PARP8: variants seen among roughly 807,000 people sequenced by gnomAD.
PARP8 encodes protein mono-ADP-ribosyltransferase PARP8.
PARP8 carries 51 observed loss-of-function variants against 124.1 expected under a neutral mutation model. That is an observed-to-expected ratio of 0.41 (90% CI 0.33 to 0.52). The LOEUF (loss-of-function observed/expected upper bound fraction) is 0.52, where lower values mean the gene tolerates loss of function less well. PARP8 is among the 20% of genes least tolerant of loss of function. The probability of loss-of-function intolerance (pLI) is 0.21; values close to 1 mark genes in which losing one functional copy is unlikely to be tolerated. For missense variants in PARP8, 860 were observed against 1,018.9 expected, an observed-to-expected ratio of 0.84 and a Z score of 2.12; for synonymous variants, 391 against 361.5, an observed-to-expected ratio of 1.08 and a Z score of -0.93.
chr5:50,746,054 G>A (rs1223000064), intron 2 of PARP8, among the ~76,000 whole-genome samples: 2 of 152,108 alleles, frequency 1.3e-5, no homozygotes, highest in Non-Finnish European at 2.9e-5. Flanking sequence ...TCACTGATAT[G>A]TGCTCATATT....
intron 2 of PARP8, among the ~76,000 whole-genome samples, chr5:50,729,056 T>G (rs991840016): frequency 1.3e-5 from 2 of 151,994 alleles, no homozygotes; most frequent in African/African-American, 4.8e-5. Context: ...ATGGAACACA[T>G]TAGTGTGCGG....
intron 2 of PARP8, among the ~76,000 whole-genome samples, chr5:50,739,727 TA>T (rs1393324467): frequency 0.26 from 25,575 of 98,832 alleles, 3,679 homozygotes; most frequent in Non-Finnish European, 0.33. Flanking sequence ...TATATATATA[TA>T]TATATTTTTT....
intron 2 of PARP8, among the ~76,000 whole-genome samples, chr5:50,696,204 A>G (rs1406190148): frequency 6.6e-6 from 1 of 152,206 alleles, no homozygotes; most frequent in Non-Finnish European, 1.5e-5. Context: ...TTAGTGTATC[A>G]TCACTTTTTA....
chr5:50,700,019 A>G (rs1753425393), intron 2 of PARP8, among the ~76,000 whole-genome samples: 1 of 152,218 alleles, frequency 6.6e-6, no homozygotes, highest in Admixed American at 6.5e-5. Flanking sequence ...GAAGTAAACT[A>G]GACTAAATAG....
intron 2 of PARP8, among the ~76,000 whole-genome samples, chr5:50,687,956 G>A (rs965644130): frequency 6.6e-6 from 1 of 152,148 alleles, no homozygotes; most frequent in African/African-American, 2.4e-5. Flanking sequence ...TGATGATTGA[G>A]GTGGGACACC....
At chr5:50,703,437 T>C (rs1753802250) in intron 2 of PARP8, among the ~76,000 whole-genome samples, 1 of 152,152 alleles carries the variant, frequency 6.6e-6, no homozygotes, top group African/African-American at 2.4e-5. Context: ...ATTTGAACTG[T>C]CCTGCTCAAT....
chr5:50,696,544 T>G (rs1753045154), intron 2 of PARP8, among the ~76,000 whole-genome samples: 3 of 152,224 alleles, frequency 2.0e-5, no homozygotes, highest in Non-Finnish European at 4.4e-5. Flanking sequence ...CTTCTCTTGC[T>G]CTTTCCCTCT....
chr5:50,828,036 T>C lies in PARP8; in HGVS notation c.2070T>C (p.Phe690=), dbSNP rs769182887. 8.7e-6 allele frequency: 14 copies of C among 1,609,828 alleles called. No individual in the cohort carries two copies. Among genetic ancestry groups the C allele is most frequent in the African/African-American group, 1.3e-5 (1 of 74,812 alleles). The change falls in exon 20 of 26, where the codon TTT becomes TTC. Residue 690 remains phenylalanine, a synonymous_variant. Coordinates refer to ENST00000281631, the MANE Select transcript of PARP8 (RefSeq NM_024615.4). ...ATTTTAGAGCTGCTAAAAAACTCTTTGGAAGCACCTTTGCATTTCAGTGAG... is the reference window on the plus strand; with the variant it reads ...ATTTTAGAGCTGCTAAAAAACTCTTCGGAAGCACCTTTGCATTTCAGTGAG... ...ESNFRAAKKL[F]GSTFAFHGSH... is the part of the protein sequence containing the mutation.
At chr5:50,802,313 A>G (rs1219262437) in intron 14 of PARP8, among the ~76,000 whole-genome samples, 1 of 151,856 alleles carries the variant, frequency 6.6e-6, no homozygotes. Flanking sequence ...ATTAATACCA[A>G]CTTGATTTTT....
At chr5:50,760,443 C>T in intron 5 of PARP8, 81 bp downstream of exon 5, 1 of 1,092,386 alleles carries the variant, frequency 9.2e-7, no homozygotes, top group East Asian at 3.2e-5. Context: ...TTAATAGCAT[C>T]ATTAGTGAGA....
intron 2 of PARP8, among the ~76,000 whole-genome samples, chr5:50,707,554 G>A (rs1349441769): frequency 6.6e-6 from 1 of 151,546 alleles, no homozygotes; most frequent in Admixed American, 6.6e-5. Flanking sequence ...TTAATTGAAT[G>A]ATTTGAAGAT....
chr5:50,782,423 A>G (rs1740770579), intron 9 of PARP8, among the ~76,000 whole-genome samples: 1 of 152,216 alleles, frequency 6.6e-6, no homozygotes, highest in Non-Finnish European at 1.5e-5. Context: ...AAATTTGAGG[A>G]AAATATGATT....
At position 50,709,989 on chromosome 5, in the gene PARP8, TACATATATACACACAC is replaced by T. The variant is rs1320029395; in HGVS notation, c.147-40146_147-40131del. Among the ~76,000 whole-genome samples, 9 of 146,022 alleles carry T rather than the reference TACATATATACACACAC, an allele frequency of 6.2e-5. No individual in the cohort carries two copies. In the South Asian group the frequency reaches 1.5e-3, roughly 24 times the overall value. Reference sequence around the variant, plus strand: ...ATATATACACACACACACATATATATACATATATACACACACACATATATACACACATATATATGTA... The same window carrying T: ...ATATATACACACACACACATATATATACATATATACACACATATATATGTA... On this transcript the variant is annotated intron_variant, in intron 2 of 25. Transcript: ENST00000281631.
At chr5:50,670,712 A>G (rs1323009197) in intron 2 of PARP8, among the ~76,000 whole-genome samples, 2 of 152,210 alleles carry the variant, frequency 1.3e-5, no homozygotes, top group Admixed American at 1.3e-4. Flanking sequence ...TAAGACACAT[A>G]GTCACTTTCA....
chr5:50,710,753 AGC>A (rs1329231173), intron 2 of PARP8, among the ~76,000 whole-genome samples: 1 of 152,188 alleles, frequency 6.6e-6, no homozygotes, highest in African/African-American at 2.4e-5. Context: ...TAACAGATTT[AGC>A]AGTGTAACTC....
At chr5:50,746,309 A>C (rs1056879548) in intron 2 of PARP8, among the ~76,000 whole-genome samples, 1 of 152,170 alleles carries the variant, frequency 6.6e-6, no homozygotes, top group Non-Finnish European at 1.5e-5. Context: ...TAAAAAAGGT[A>C]GCACAAGGGA....
intron 20 of PARP8, 113 bp from the exon 21 acceptor site, chr5:50,828,199 C>A: frequency 1.7e-6 from 2 of 1,191,446 alleles, no homozygotes; most frequent in Non-Finnish European, 2.5e-6. Context: ...CTACATAATA[C>A]TTGATTTGGC....
intron 19 of PARP8, among the ~76,000 whole-genome samples, chr5:50,827,497 T>A (rs774930706): frequency 5.9e-5 from 9 of 152,186 alleles, no homozygotes; most frequent in Non-Finnish European, 1.2e-4. Context: ...TATATGCAAA[T>A]AAAGCATAAT....
At chr5:50,827,895 T>C (rs745394122) in intron 19 of PARP8, 49 bp from the exon 20 acceptor site, 7 of 1,321,166 alleles carry the variant, frequency 5.3e-6, no homozygotes, top group Non-Finnish European at 5.4e-6. Flanking sequence ...TCAGCCTGAA[T>C]ATATGTTAAG....
Sources: gnomAD v4.1 joint callset for allele counts (sites outside exome capture counted in the v4.1 genomes callset) on GRCh38, gnomAD v4.1.1 for gene constraint, MANE v1.5 for transcripts, NCBI Gene and HGNC (gene_info 2026-07-23, HGNC 2026-07-21) for gene names.